DLGAP1: variants seen among roughly 807,000 people sequenced by gnomAD.
The protein encoded by DLGAP1 is DLG associated protein 1, also known as disks large-associated protein 1.
Under a neutral mutation model 90.8 loss-of-function variants are expected in DLGAP1, and 11 were observed. The observed-to-expected ratio is 0.12, with a 90% CI of 0.08 to 0.20. The LOEUF (loss-of-function observed/expected upper bound fraction) is 0.20, where lower values mean the gene tolerates loss of function less well. Ranked by LOEUF, DLGAP1 falls within the 10% of genes least tolerant of loss-of-function variation. The probability of loss-of-function intolerance (pLI) is 1.00; values close to 1 mark genes in which losing one functional copy is unlikely to be tolerated. For synonymous variants in DLGAP1, 558 were observed against 540.7 expected, an observed-to-expected ratio of 1.03 and a Z score of -0.44; for missense variants, 1,050 against 1,333.8, an observed-to-expected ratio of 0.79 and a Z score of 3.31.
chr18:4,252,697 C>T (rs926248380), intron 1 of DLGAP1, among the ~76,000 whole-genome samples: 1 of 152,166 alleles, frequency 6.6e-6, no homozygotes, highest in Non-Finnish European at 1.5e-5. Context: ...CCTTCAATTT[C>T]GACCGTAATA....
At chr18:4,053,575 G>A (rs2075168142) in intron 2 of DLGAP1, among the ~76,000 whole-genome samples, 1 of 152,206 alleles carries the variant, frequency 6.6e-6, no homozygotes, top group Non-Finnish European at 1.5e-5. Flanking sequence ...TTGTTTGGAA[G>A]TACATAGCAC....
At chr18:4,134,831 T>G (rs940013863) in intron 2 of DLGAP1, among the ~76,000 whole-genome samples, 2 of 152,076 alleles carry the variant, frequency 1.3e-5, no homozygotes, top group African/African-American at 4.8e-5. Context: ...GCGATACTGC[T>G]GAGAGCATGT....
At chr18:4,166,207 C>T (rs764557394) in intron 1 of DLGAP1, among the ~76,000 whole-genome samples, 24 of 151,956 alleles carry the variant, frequency 1.6e-4, no homozygotes, top group Non-Finnish European at 2.8e-4. Flanking sequence ...AAATAATGAA[C>T]AAAGGACTTG....
At chr18:4,443,044 A>C (rs1197927674) in intron 1 of DLGAP1, among the ~76,000 whole-genome samples, 1 of 152,238 alleles carries the variant, frequency 6.6e-6, no homozygotes, top group Non-Finnish European at 1.5e-5. Context: ...CATCTTCAGA[A>C]TGTGAAATAC....
intron 3 of DLGAP1, chr18:3,983,508 G>C (rs1247695768): frequency 6.6e-6 from 1 of 152,180 alleles, no homozygotes; most frequent in East Asian, 1.9e-4. Flanking sequence ...TTTCCATGAA[G>C]TAATGTACAA....
At chr18:4,317,477 T>C (rs2080561429) in intron 1 of DLGAP1, among the ~76,000 whole-genome samples, 1 of 152,230 alleles carries the variant, frequency 6.6e-6, no homozygotes, top group Non-Finnish European at 1.5e-5. Context: ...TCTTGTACAC[T>C]GTCACAATAA....
intron 7 of DLGAP1, among the ~76,000 whole-genome samples, chr18:3,725,372 T>C (rs2062130660): frequency 6.6e-6 from 1 of 152,170 alleles, no homozygotes; most frequent in Non-Finnish European, 1.5e-5. Flanking sequence ...ACACATAGAA[T>C]TGCATTGGTA....
At chr18:3,991,914 A>G (rs1348040521) in intron 3 of DLGAP1, among the ~76,000 whole-genome samples, 1 of 152,164 alleles carries the variant, frequency 6.6e-6, no homozygotes, top group Admixed American at 6.5e-5. Flanking sequence ...GGAAACATGG[A>G]TTCTTTGTGA....
chr18:4,369,300 T>TGC (rs953350155), intron 1 of DLGAP1, among the ~76,000 whole-genome samples: 1 of 152,068 alleles, frequency 6.6e-6, no homozygotes, highest in Non-Finnish European at 1.5e-5. Flanking sequence ...AGTGTGCGTG[T>TGC]GTGTGTGTAT....
chr18:3,512,501 T>G (rs1288645303), intron 10 of DLGAP1, among the ~76,000 whole-genome samples: 2 of 152,172 alleles, frequency 1.3e-5, no homozygotes, highest in Non-Finnish European at 2.9e-5. Context: ...CAACAGATAT[T>G]TAAGAAGACC....
intron 8 of DLGAP1, chr18:3,580,162 T>C: frequency 7.6e-7 from 1 of 1,321,012 alleles, no homozygotes; most frequent in Non-Finnish European, 1.1e-6. Context: ...ACAAAGAAAA[T>C]ACTTTCAGAA....
chr18:4,056,166 G>A (rs146442267), intron 2 of DLGAP1, among the ~76,000 whole-genome samples: 520 of 152,272 alleles, frequency 3.4e-3, no homozygotes, highest in Non-Finnish European at 5.6e-3. Context: ...GAAGGCCGTG[G>A]AGCCTTCAGA....
At position 4,275,537 on chromosome 18, in the gene DLGAP1, A is replaced by G. The variant is rs552655908; in HGVS notation, c.-266-124250T>C. ...TCCATAATTTACTTGTTTATTATGTATATGTTTTGGTCCTTCTCCCCATGC... is the reference window on the plus strand; with the variant it reads ...TCCATAATTTACTTGTTTATTATGTGTATGTTTTGGTCCTTCTCCCCATGC... On this transcript the variant is annotated intron_variant, in intron 1 of 12. Coordinates refer to ENST00000315677, the MANE Select transcript of DLGAP1 (RefSeq NM_004746.4). Among the ~76,000 whole-genome samples, 43 of 151,886 alleles carry G rather than the reference A, an allele frequency of 2.8e-4. 2 individuals are homozygous for G. The South Asian group carries it at 6.9e-3, about 24-fold the overall frequency.
At chr18:3,925,285 A>AT (rs5822775) in intron 3 of DLGAP1, among the ~76,000 whole-genome samples, 71,255 of 145,020 alleles carry the variant, frequency 0.49, 17,140 homozygotes, top group South Asian at 0.56. Context: ...GATTTGTGGG[A>AT]TTTTTTTTTT....
chr18:4,317,919 C>T (rs1425647892), intron 1 of DLGAP1, among the ~76,000 whole-genome samples: 1 of 151,226 alleles, frequency 6.6e-6, no homozygotes, highest in South Asian at 2.1e-4. Context: ...GTGATCTCGG[C>T]TCACTGCAAC....
chr18:4,119,575 G>GGAATAC (rs2076119337), intron 2 of DLGAP1, among the ~76,000 whole-genome samples: 1 of 151,760 alleles, frequency 6.6e-6, no homozygotes, highest in South Asian at 2.1e-4. Flanking sequence ...TTAGCAATAC[G>GGAATAC]GAATACGGTG....
chr18:3,523,652 C>T (rs1599048830), intron 10 of DLGAP1, among the ~76,000 whole-genome samples: 2 of 151,874 alleles, frequency 1.3e-5, no homozygotes, highest in South Asian at 2.1e-4. Context: ...TCGAGACCAT[C>T]CTGGCTAACA....
At chr18:4,341,874 G>C (rs898566081) in intron 1 of DLGAP1, among the ~76,000 whole-genome samples, 2 of 151,902 alleles carry the variant, frequency 1.3e-5, no homozygotes, top group African/African-American at 4.8e-5. Flanking sequence ...AATGATGAAA[G>C]ATAGCTTTGA....
intron 7 of DLGAP1, among the ~76,000 whole-genome samples, chr18:3,631,023 C>T (rs8095865): frequency 0.15 from 23,199 of 151,888 alleles, 2,114 homozygotes; most frequent in African/African-American, 0.23. Flanking sequence ...TTCTGTCGCC[C>T]AGGCTGGGGT....
Sources: allele counts gnomAD v4.1 joint callset (sites outside exome capture counted in the v4.1 genomes callset), GRCh38; gene constraint gnomAD v4.1.1; transcripts MANE v1.5; gene names NCBI Gene and HGNC (gene_info 2026-07-23, HGNC 2026-07-21).